Variants in MACF1 observed in about 807,000 individuals in gnomAD.
MACF1 encodes the protein microtubule actin crosslinking factor 1, also known as microtubule-actin cross-linking factor 1.
In MACF1, 193 loss-of-function variants were observed where a neutral mutation model predicts 854.8. The ratio of observed to expected loss-of-function variants is 0.23; its 90% CI spans 0.20 to 0.25. MACF1 has a LOEUF of 0.25. MACF1 is among the 10% of genes least tolerant of loss of function. The pLI, the probability that MACF1 is intolerant of heterozygous loss-of-function variation, is 1.00. For synonymous variants in MACF1, 3,185 were observed against 3,226.7 expected (o/e 0.99, Z 0.44); for missense variants, 7,722 against 8,929.1 (o/e 0.86, Z 5.45).
intron 49 of MACF1, among the ~76,000 whole-genome samples, chr1:39,365,533 C>CAA (rs1408753848): frequency 1.3e-5 from 2 of 152,118 alleles, no homozygotes; most frequent in Admixed American, 6.5e-5. Flanking sequence ...GTCTGGAATT[C>CAA]AAAACACTTC....
At chr1:39,098,956 G>A (rs1642000330) in intron 2 of MACF1, among the ~76,000 whole-genome samples, 1 of 152,320 alleles carries the variant, frequency 6.6e-6, no homozygotes, top group African/African-American at 2.4e-5. Flanking sequence ...CCAAGAGGCT[G>A]GTGGAGCTTC....
chr1:39,157,233 G>A (rs1219847312), intron 2 of MACF1, among the ~76,000 whole-genome samples: 1 of 152,130 alleles, frequency 6.6e-6, no homozygotes, highest in Non-Finnish European at 1.5e-5. Flanking sequence ...CCCTCCCAAA[G>A]TATTGGGATT....
chr1:39,170,297 A>G (rs970097336), intron 2 of MACF1, among the ~76,000 whole-genome samples: 12 of 152,198 alleles, frequency 7.9e-5, no homozygotes, highest in Non-Finnish European at 7.3e-5. Flanking sequence ...AGACATTTCT[A>G]TTATTCCCAC....
intron 1 of MACF1, among the ~76,000 whole-genome samples, chr1:39,208,822 A>G (rs1644483301): frequency 6.6e-6 from 1 of 151,970 alleles, no homozygotes; most frequent in African/African-American, 2.4e-5. Context: ...ACGGGGTTTC[A>G]TCATGTTGGT....
intron 58 of MACF1, chr1:39,411,532 A>T: frequency 5.0e-6 from 8 of 1,613,570 alleles, no homozygotes; most frequent in Non-Finnish European, 6.8e-6. Flanking sequence ...TTGTGTTCTT[A>T]CAGGTGAGGA....
At chr1:39,480,095 A>C in intron 98 of MACF1, 86 bp downstream of exon 98, 1 of 1,223,080 alleles carries the variant, frequency 8.2e-7, no homozygotes, top group Admixed American at 2.1e-5. Context: ...GAAAGACTCC[A>C]GTGAGGAGAA....
chr1:39,223,367 G>C (rs1386411344), intron 1 of MACF1, among the ~76,000 whole-genome samples: 1 of 152,170 alleles, frequency 6.6e-6, no homozygotes, highest in Non-Finnish European at 1.5e-5. Context: ...GTTCAAGTTT[G>C]ACTTCATGAC....
chr1:39,367,677 C>G (rs1648847436), intron 49 of MACF1, among the ~76,000 whole-genome samples: 1 of 152,170 alleles, frequency 6.6e-6, no homozygotes, highest in Non-Finnish European at 1.5e-5. Context: ...TTCTTTACGT[C>G]CTGTCATGGT....
intron 95 of MACF1, 142 bp downstream of exon 95, chr1:39,465,254 T>TATC: frequency 1.2e-6 from 1 of 805,130 alleles, no homozygotes; most frequent in African/African-American, 1.7e-5. Context: ...GGAGAAACTG[T>TATC]TGATGGGGCC....
intron 87 of MACF1, among the ~76,000 whole-genome samples, 173 bp downstream of exon 87, chr1:39,452,985 G>T (rs1048856080): frequency 2.6e-5 from 4 of 152,160 alleles, no homozygotes; most frequent in Non-Finnish European, 5.9e-5. Context: ...GCGACTGATG[G>T]GTTTTTTGAC....
At chr1:39,222,647 G>C (rs897208091) in intron 1 of MACF1, among the ~76,000 whole-genome samples, 25 of 152,136 alleles carry the variant, frequency 1.6e-4, no homozygotes, top group Admixed American at 5.2e-4. Flanking sequence ...CTTGTGTCTG[G>C]TGTGTTATTT....
intron 57 of MACF1, 55 bp downstream of exon 57, chr1:39,385,984 G>A (rs1222254735): frequency 3.2e-6 from 5 of 1,541,072 alleles, no homozygotes; most frequent in Non-Finnish European, 4.4e-6. Flanking sequence ...GCAGAAAGAA[G>A]GAATGGGTTA....
Position 39,479,881 on chromosome 1 carries a change from C to T in MACF1, c.22042C>T (p.Arg7348Trp), listed in dbSNP as rs367667922. The T allele has an allele frequency of 7.4e-6, 12 of 1,614,138 alleles. No homozygotes were observed. Among genetic ancestry groups the T allele is most frequent in the Middle Eastern group, 1.6e-4 (1 of 6,084 alleles). Residue 7348 changes from arginine (R) to tryptophan (W), a missense_variant, in exon 98 of 101, where the codon CGG (arginine) becomes TGG (tryptophan). This residue lies in a region of MACF1 where 153 missense variants were observed against 342.5 expected (regional missense o/e 0.45). Coordinates refer to ENST00000564288, the MANE Select transcript of MACF1 (RefSeq NM_001394062.1). ...ASQGMTPFRSRGRRSKPSSRA... is the reference protein window; with the variant it reads ...ASQGMTPFRSWGRRSKPSSRA... ...CCAGGGAATGACCCCCTTCCGCTCA[C>T]GGGGTCGAAGGTCCAAACCATCTTC...
intron 62 of MACF1, 98 bp from the exon 63 acceptor site, chr1:39,427,863 A>G: frequency 9.2e-7 from 1 of 1,091,818 alleles, no homozygotes; most frequent in Non-Finnish European, 1.3e-6. Context: ...TGAGTTTTTT[A>G]ATTGTTTAAT....
chr1:39,095,718 CAA>C (rs36115430), intron 2 of MACF1, among the ~76,000 whole-genome samples: 1 of 143,596 alleles, frequency 7.0e-6, no homozygotes, highest in African/African-American at 2.5e-5. Context: ...ACCATCTCCA[CAA>C]AAAAAAAAAT....
intron 74 of MACF1, 99 bp downstream of exon 74, chr1:39,441,424 G>A: frequency 1.1e-6 from 1 of 910,348 alleles, no homozygotes; most frequent in Non-Finnish European, 1.7e-6. Context: ...CACCTTCACA[G>A]GACTGCAGAC....
rs1323239654 is a variant in MACF1, at chr1:39,106,134, C to T, written c.220+21696C>T. On this transcript the variant is annotated intron_variant, in intron 2 of 93. Coordinates refer to the MACF1 transcript ENST00000361689. Reference sequence around the variant, plus strand: ...GACCTCTGTGTGCCCGCGGAGAGTCCCTCCCTCGCCCCCTTTTGTCTCTTT... The same window carrying T: ...GACCTCTGTGTGCCCGCGGAGAGTCTCTCCCTCGCCCCCTTTTGTCTCTTT... 2.6e-5 allele frequency among the ~76,000 whole-genome samples: 4 copies of T among 152,112 alleles called. No individual in the cohort carries two copies. In the South Asian group the frequency reaches 8.3e-4, roughly 32 times the overall value.
chr1:39,449,794 G>T (rs1040823621), intron 84 of MACF1, among the ~76,000 whole-genome samples: 2 of 151,118 alleles, frequency 1.3e-5, no homozygotes, highest in African/African-American at 4.9e-5. Context: ...GGGCTCAAGG[G>T]ATCCTCCCAC....
At chr1:39,450,909 C>A (rs762909107) in intron 84 of MACF1, 143 bp from the exon 85 acceptor site, 24 of 942,460 alleles carry the variant, frequency 2.5e-5, no homozygotes, top group Non-Finnish European at 3.8e-5. Context: ...CCGCGCCCGG[C>A]CTTTACTGTA....
Sources: allele counts gnomAD v4.1 joint callset (sites outside exome capture counted in the v4.1 genomes callset), GRCh38; gene constraint gnomAD v4.1.1; regional missense constraint gnomAD v4.1.1; transcripts MANE v1.5; gene names NCBI Gene and HGNC (gene_info 2026-07-23, HGNC 2026-07-21).